Variants in BLK observed in about 807,000 individuals in gnomAD.
BLK encodes the protein BLK proto-oncogene, Src family tyrosine kinase, also known as tyrosine-protein kinase Blk.
A neutral mutation model predicts 61.8 loss-of-function variants in BLK; 64 were observed. The ratio of observed to expected loss-of-function variants is 1.03; its 90% CI spans 0.85 to 1.27. The LOEUF (loss-of-function observed/expected upper bound fraction) is 1.27, where lower values mean the gene tolerates loss of function less well. BLK is among the 50% of genes most tolerant of loss of function. The pLI is 0.00. For missense variants in BLK, 853 were observed against 660.5 expected (o/e 1.29, Z -3.19); for synonymous variants, 351 against 272.0 (o/e 1.29, Z -2.86).
At chr8:11,510,036 A>G (rs887079924) in intron 1 of BLK, 1 of 152,276 alleles carries the variant, frequency 6.6e-6, no homozygotes, top group Middle Eastern at 3.4e-3. Flanking sequence ...CTCTATCACC[A>G]TTTCAATCAG....
At chr8:11,536,185 T>A (rs1800125246) in intron 1 of BLK, among the ~76,000 whole-genome samples, 1 of 152,214 alleles carries the variant, frequency 6.6e-6, no homozygotes, top group African/African-American at 2.4e-5. Context: ...TGTGAGCAAA[T>A]GTCTCCATGC....
chr8:11,554,895 A>G lies in BLK; in HGVS notation c.619+6A>G. On this transcript the variant is annotated splice_donor_region_variant and intron_variant, in intron 7 of 12. Coordinates refer to ENST00000259089, the MANE Select transcript of BLK (RefSeq NM_001715.3). ...CCTGGTGCAGCACTATTCTAGTAAG[A>G]GGGGGCGTGCAATGGGGGCAGGGAC... The G allele has an allele frequency of 1.2e-6, 2 of 1,612,194 alleles. No individual in the cohort carries two copies. The highest frequency in any genetic ancestry group is 1.7e-6 in the Non-Finnish European group (2 of 1,179,936).
At chr8:11,517,794 C>G (rs1416383377) in intron 1 of BLK, among the ~76,000 whole-genome samples, 1 of 152,206 alleles carries the variant, frequency 6.6e-6, no homozygotes, top group Admixed American at 6.5e-5. Context: ...TGCTGCAGGC[C>G]AAGCTCTTGG....
chr8:11,556,065 C>T (rs1341111768), intron 8 of BLK: 1 of 231,620 alleles, frequency 4.3e-6, no homozygotes, highest in South Asian at 7.0e-5. Context: ...TGCTCCCTTA[C>T]CTGGGGCTGA....
At chr8:11,530,192 TCA>T (rs1799829205) in intron 1 of BLK, among the ~76,000 whole-genome samples, 1 of 152,198 alleles carries the variant, frequency 6.6e-6, no homozygotes, top group Non-Finnish European at 1.5e-5. Context: ...ATAAGGAATC[TCA>T]GATTAGACCT....
At position 11,561,486 on chromosome 8, in the gene BLK, G is replaced by A. The variant is rs777330405; in HGVS notation, c.1180+34G>A. On this transcript the variant is annotated intron_variant, in intron 11 of 12. Transcript: ENST00000259089. ...AGCCCCTAACCACAAGGGAAACCTA[G>A]GGCCTTATCTTTCCCAGCTCCTCAA... 3.1e-6 allele frequency: 5 copies of A among 1,609,020 alleles called. No homozygotes were observed. The South Asian group carries it at 5.6e-5, about 18-fold the overall frequency.
At chr8:11,560,792 G>A (rs1460745045) in intron 10 of BLK, 1 of 449,334 alleles carries the variant, frequency 2.2e-6, no homozygotes, top group Non-Finnish European at 4.5e-6. Context: ...CTGCCCTGGA[G>A]ACCACATCCC....
intron 1 of BLK, among the ~76,000 whole-genome samples, chr8:11,513,214 G>A (rs533328746): frequency 2.0e-5 from 3 of 152,250 alleles, no homozygotes; most frequent in African/African-American, 4.8e-5. Flanking sequence ...TGCACCACAC[G>A]CAGTTGGCTG....
chr8:11,496,200 T>C (rs180806088), intron 1 of BLK, among the ~76,000 whole-genome samples: 1 of 152,212 alleles, frequency 6.6e-6, no homozygotes, highest in East Asian at 1.9e-4. Context: ...ATTGTTGTTG[T>C]TGGTGTCCAA....
chr8:11,497,625 T>G (rs571809628), intron 1 of BLK, among the ~76,000 whole-genome samples: 2 of 152,278 alleles, frequency 1.3e-5, no homozygotes, highest in South Asian at 4.2e-4. Flanking sequence ...AAAGTGGTTC[T>G]TGAGTTAAAG....
Position 11,564,368 on chromosome 8 carries a change from A to C in BLK, c.*260A>C, listed in dbSNP as rs1432287238. On this transcript the variant is annotated 3_prime_UTR_variant, in exon 13 of 13. Coordinates refer to ENST00000259089, the MANE Select transcript of BLK (RefSeq NM_001715.3). ...GTGACCTCGCACGGTCATCCGGAGT[A>C]CTAAGCCCCAGTAAGGTGTTCAGGA... 1 of 684,790 alleles carries C rather than the reference A, an allele frequency of 1.5e-6. No individual in the cohort carries two copies. The highest frequency in any genetic ancestry group is 2.7e-6 in the Non-Finnish European group (1 of 374,036). The allele number at this position is 684,790 out of a possible 1,614,324, so 42.4% of individuals were successfully genotyped here.
At chr8:11,559,979 T>A (rs1225163123) in intron 10 of BLK, 6 of 376,292 alleles carry the variant, frequency 1.6e-5, no homozygotes, top group Non-Finnish European at 3.1e-5. Flanking sequence ...ATATTTCTGG[T>A]ACTGTTCAAT....
At chr8:11,559,828 T>C (rs1003011570) in intron 10 of BLK, 1 of 456,072 alleles carries the variant, frequency 2.2e-6, no homozygotes, top group African/African-American at 2.0e-5. Context: ...CGTAATGTCA[T>C]TTCTATGAAG....
chr8:11,532,813 T>C (rs909007521), intron 1 of BLK, among the ~76,000 whole-genome samples: 4 of 152,230 alleles, frequency 2.6e-5, no homozygotes, highest in African/African-American at 9.6e-5. Flanking sequence ...CTGAATATGA[T>C]TAGTGAGCGC....
intron 1 of BLK, among the ~76,000 whole-genome samples, chr8:11,520,823 C>T (rs1799420980): frequency 6.6e-6 from 1 of 152,032 alleles, no homozygotes; most frequent in Admixed American, 6.5e-5. Flanking sequence ...GCTATTAGAG[C>T]TAATAAGAGA....
At chr8:11,522,456 C>A (rs902051894) in intron 1 of BLK, among the ~76,000 whole-genome samples, 1 of 151,940 alleles carries the variant, frequency 6.6e-6, no homozygotes, top group African/African-American at 2.4e-5. Flanking sequence ...TTTTGGGAAC[C>A]CATAGTGCCA....
chr8:11,560,965 T>G, intron 10 of BLK: 7 of 504,468 alleles, frequency 1.4e-5, no homozygotes, highest in Non-Finnish European at 2.3e-5. Flanking sequence ...TTCCTTACCA[T>G]TTCTTCTCTT....
intron 10 of BLK, 141 bp from the exon 11 acceptor site, chr8:11,561,161 C>A: frequency 8.2e-7 from 1 of 1,223,662 alleles, no homozygotes; most frequent in Non-Finnish European, 1.2e-6. Context: ...GGCTGAGGAG[C>A]AACACAGTCA....
At chr8:11,552,733 C>G (rs984291137) in intron 6 of BLK, 4 of 152,330 alleles carry the variant, frequency 2.6e-5, no homozygotes, top group African/African-American at 9.6e-5. Context: ...AAAGCCTCCC[C>G]ACCCCCTGCC....
Sources: gnomAD v4.1 joint callset for allele counts (sites outside exome capture counted in the v4.1 genomes callset) on GRCh38, gnomAD v4.1.1 for gene constraint, MANE v1.5 for transcripts, NCBI Gene and HGNC (gene_info 2026-07-23, HGNC 2026-07-21) for gene names.